Variants in KIRREL3 observed in about 807,000 individuals in gnomAD.
KIRREL3 encodes the protein kin of IRRE-like protein 3.
Under a neutral mutation model 89.7 loss-of-function variants are expected in KIRREL3, and 36 were observed. That is an observed-to-expected ratio of 0.40 (90% CI 0.31 to 0.53). The LOEUF (loss-of-function observed/expected upper bound fraction) is 0.53. KIRREL3 is among the 20% of genes least tolerant of loss of function. The pLI, the probability that KIRREL3 is intolerant of heterozygous loss-of-function variation, is 0.49. For missense variants in KIRREL3, 864 were observed against 1,056.6 expected (o/e 0.82, Z 2.53); for synonymous variants, 445 against 441.4 (o/e 1.01, Z -0.10).
chr11:126,460,566 G>GC (rs1319839976), intron 6 of KIRREL3, among the ~76,000 whole-genome samples: 2 of 152,170 alleles, frequency 1.3e-5, no homozygotes, highest in Admixed American at 6.5e-5. Context: ...GGGCTGCTGG[G>GC]CCCCAAGTGT....
At chr11:126,450,783 A>G (rs1257012639) in intron 7 of KIRREL3, among the ~76,000 whole-genome samples, 1 of 144,898 alleles carries the variant, frequency 6.9e-6, no homozygotes, top group African/African-American at 2.6e-5. Flanking sequence ...GAGGGTGTGC[A>G]TCTGTGCATG....
At chr11:126,945,741 A>G (rs1339518437) in intron 1 of KIRREL3, among the ~76,000 whole-genome samples, 2 of 152,164 alleles carry the variant, frequency 1.3e-5, no homozygotes, top group Non-Finnish European at 2.9e-5. Flanking sequence ...CAGGTAGGCC[A>G]TCAATCATCC....
rs553177896 is a variant in KIRREL3, at chr11:126,437,092, C to T, written c.1354-83G>A. 10 of 1,291,902 alleles carry T rather than the reference C, an allele frequency of 7.7e-6. No homozygotes were observed. In the South Asian group the frequency reaches 1.4e-4, roughly 18 times the overall value. 80.0% of individuals were successfully genotyped at this position (1,291,902 alleles called of 1,614,324 possible). On this transcript the variant is annotated intron_variant, in intron 11 of 16. Transcript: ENST00000525144. ...ACACCAGAGTCACAGTGCCACTGTC[C>T]TGCTCATGTTCATGCTCACTGCCAC...
rs79143180 is a variant in KIRREL3 at position 126,541,911 on chromosome 11, T to C, written c.134-15224A>G. 1.1e-3 allele frequency among the ~76,000 whole-genome samples: 169 copies of C among 152,342 alleles called. No homozygotes were observed. In the East Asian group the frequency reaches 0.027, roughly 25 times the overall value. On this transcript the variant is annotated intron_variant, in intron 2 of 16. Transcript: ENST00000525144. This position sits in a 1 kb window ranked among gnomAD's most constrained non-coding sequence, Gnocchi z 4.8. ...CACCTTTTGAAAGTTCATGCAACCC[T>C]TTTTGTCAGTGAAGTCTCACAGGGA...
At chr11:126,448,708 G>A (rs1351929441) in intron 8 of KIRREL3, among the ~76,000 whole-genome samples, 1 of 152,132 alleles carries the variant, frequency 6.6e-6, no homozygotes, top group African/African-American at 2.4e-5. Context: ...TGCAAGCCAG[G>A]AAGAGAGTCC....
At chr11:126,613,271 T>G (rs1312929625) in intron 1 of KIRREL3, among the ~76,000 whole-genome samples, 1 of 152,102 alleles carries the variant, frequency 6.6e-6, no homozygotes, top group African/African-American at 2.4e-5. Context: ...AGTTCGTGAT[T>G]ACAGGCTCGC....
intron 1 of KIRREL3, among the ~76,000 whole-genome samples, chr11:126,738,119 C>G (rs573655143): frequency 6.6e-6 from 1 of 152,140 alleles, no homozygotes; most frequent in Admixed American, 6.5e-5. Context: ...TGTAAATACA[C>G]GAGTATACCT....
chr11:126,701,458 G>A (rs959614955), intron 1 of KIRREL3, among the ~76,000 whole-genome samples: 2 of 152,112 alleles, frequency 1.3e-5, no homozygotes, highest in African/African-American at 2.4e-5. Context: ...GAAATGCTCC[G>A]AATCAATAGC....
At chr11:126,472,992 AC>A (rs59405445) in intron 5 of KIRREL3, among the ~76,000 whole-genome samples, 1 of 34,076 alleles carries the variant, frequency 2.9e-5, no homozygotes. Context: ...TCTCTACCTA[AC>A]CCCCAGCCCC....
chr11:126,975,807 C>A (rs1414642374), intron 1 of KIRREL3, among the ~76,000 whole-genome samples: 2 of 152,122 alleles, frequency 1.3e-5, no homozygotes, highest in Non-Finnish European at 2.9e-5. Flanking sequence ...CTAAGTCTTG[C>A]TTTTCTGCCT....
rs1231730377 is a variant in KIRREL3 at position 126,501,070 on chromosome 11, GCCT to G, written c.433+20242_433+20244del. Among the ~76,000 whole-genome samples, 1 of 152,158 alleles carries G rather than the reference GCCT, an allele frequency of 6.6e-6. No homozygotes were observed. Among genetic ancestry groups the G allele is most frequent in the Non-Finnish European group, 1.5e-5 (1 of 68,032 alleles). Reference sequence around the variant, plus strand: ...AGCTTTCCTGGCTCTGCCTCTCCCAGCCTCCTCCTCTGGGTTTCATTTCCTTGC... The same window carrying G: ...AGCTTTCCTGGCTCTGCCTCTCCCAGCCTCCTCTGGGTTTCATTTCCTTGC... On this transcript the variant is annotated intron_variant, in intron 4 of 16. Coordinates refer to ENST00000525144, the MANE Select transcript of KIRREL3 (RefSeq NM_032531.4). The surrounding 1 kb of genome is among the most constrained non-coding windows in gnomAD (Gnocchi z 5.8).
At chr11:126,447,015 C>T (rs927486285) in intron 8 of KIRREL3, 129 bp from the exon 9 acceptor site, 17 of 1,126,548 alleles carry the variant, frequency 1.5e-5, no homozygotes, top group Middle Eastern at 2.0e-4. Flanking sequence ...TGTGCCACCT[C>T]AGTCGCTTCC....
rs1273588447 is a variant in KIRREL3 at position 126,525,963 on chromosome 11, C to A, written c.283+575G>T. 2.6e-5 allele frequency among the ~76,000 whole-genome samples: 4 copies of A among 152,214 alleles called. No homozygotes were observed. The highest frequency in any genetic ancestry group is 9.6e-5 in the African/African-American group (4 of 41,462). ...TCAACAACCATGGGAACTCTCACTG[C>A]CTGTCCCAGGGTAGCTTTGCTGAAT... is the stretch of plus-strand genomic sequence containing the variant. On this transcript the variant is annotated intron_variant, in intron 3 of 16. Transcript: ENST00000525144. This position sits in a 1 kb window ranked among gnomAD's most constrained non-coding sequence, Gnocchi z 5.4.
At chr11:126,457,839 G>T (rs1956423017) in intron 6 of KIRREL3, among the ~76,000 whole-genome samples, 1 of 151,922 alleles carries the variant, frequency 6.6e-6, no homozygotes, top group South Asian at 2.1e-4. Context: ...GAGATATGAA[G>T]GAGGAGCAGA....
At chr11:126,743,040 G>A (rs1949030652) in intron 1 of KIRREL3, among the ~76,000 whole-genome samples, 1 of 152,218 alleles carries the variant, frequency 6.6e-6, no homozygotes, top group Non-Finnish European at 1.5e-5. Context: ...AGAAGAGACA[G>A]GAAAACCAAT....
intron 1 of KIRREL3, among the ~76,000 whole-genome samples, chr11:126,721,910 C>G (rs1356604612): frequency 6.6e-6 from 1 of 152,236 alleles, no homozygotes; most frequent in East Asian, 1.9e-4. Flanking sequence ...GTCAAAAAGC[C>G]TCACAGTCCA....
chr11:126,903,321 G>A lies in KIRREL3; in HGVS notation c.55+97134C>T, dbSNP rs1212664961. On this transcript the variant is annotated intron_variant, in intron 1 of 16. Coordinates refer to ENST00000525144, the MANE Select transcript of KIRREL3 (RefSeq NM_032531.4). The surrounding 1 kb of genome is among the most constrained non-coding windows in gnomAD (Gnocchi z 4.5). ...CTAATTTTTTCCTCTTTTTCTCTGG[G>A]TTAACAATGCAGGGATCATAGTTGC... is the stretch of plus-strand genomic sequence containing the variant. Among the ~76,000 whole-genome samples the A allele has an allele frequency of 6.6e-6, 1 of 151,358 alleles. No homozygotes were observed. Among genetic ancestry groups the A allele is most frequent in the Non-Finnish European group, 1.5e-5 (1 of 67,938 alleles).
At chr11:126,631,426 G>A (rs876901) in intron 1 of KIRREL3, among the ~76,000 whole-genome samples, 1 of 151,952 alleles carries the variant, frequency 6.6e-6, no homozygotes, top group Non-Finnish European at 1.5e-5. Flanking sequence ...ACAGTTTGAA[G>A]TTGTTCATAT....
rs1022501855 is a variant in KIRREL3 at position 126,620,626 on chromosome 11, G to T, written c.56-57714C>A. 5.3e-5 allele frequency among the ~76,000 whole-genome samples: 8 copies of T among 152,162 alleles called. No homozygotes were observed. Among genetic ancestry groups the T allele is most frequent in the African/African-American group, 1.7e-4 (7 of 41,440 alleles). The stretch of plus-strand genomic sequence containing the variant: ...TCCTTGAGAACCACTGCCCTAGGAA[G>T]TTAAATCAAAGGATTTCTCTACTAA... On this transcript the variant is annotated intron_variant, in intron 1 of 16. Coordinates refer to ENST00000525144, the MANE Select transcript of KIRREL3 (RefSeq NM_032531.4). This position sits in a 1 kb window ranked among gnomAD's most constrained non-coding sequence, Gnocchi z 4.8.
Sources: gnomAD v4.1 joint callset for allele counts (sites outside exome capture counted in the v4.1 genomes callset) on GRCh38, gnomAD v4.1.1 for gene constraint, Gnocchi (gnomAD v3.1) non-coding constraint, MANE v1.5 for transcripts, NCBI Gene and HGNC (gene_info 2026-07-23, HGNC 2026-07-21) for gene names.